The following STAB2 variants were observed in gnomAD, a reference collection of about 807,000 sequenced individuals.
STAB2 encodes stabilin 2.
STAB2 carries 288 observed loss-of-function variants against 338.1 expected under a neutral mutation model. The observed-to-expected ratio is 0.85, with a 90% CI of 0.77 to 0.94. The LOEUF is 0.94. Among genes scored for constraint, STAB2 ranks in the 40% least tolerant of loss-of-function variants. STAB2 has a pLI of 0.00. For synonymous variants in STAB2, 1,202 were observed against 1,193.3 expected (o/e 1.01, Z -0.15); for missense variants, 3,141 against 3,210.1 (o/e 0.98, Z 0.52).
chr12:103,719,270 G>A (rs1408159488), intron 44 of STAB2, among the ~76,000 whole-genome samples: 1 of 152,164 alleles, frequency 6.6e-6, no homozygotes, highest in Non-Finnish European at 1.5e-5. Flanking sequence ...CAGCCACTGT[G>A]CTTAGGGGTG....
chr12:103,748,942 C>T (rs1268838280), intron 58 of STAB2, 21 bp from the exon 59 acceptor site: 2 of 1,604,490 alleles, frequency 1.2e-6, no homozygotes, highest in Non-Finnish European at 1.7e-6. Flanking sequence ...AAGTTGAGCC[C>T]TCTCTCCTCT....
intron 21 of STAB2, among the ~76,000 whole-genome samples, chr12:103,670,137 G>T (rs926806465): frequency 6.6e-6 from 1 of 151,526 alleles, no homozygotes; most frequent in Non-Finnish European, 1.5e-5. Flanking sequence ...CCTCTAAAAC[G>T]TGGCTTTTTC....
At chr12:103,722,238 C>A (rs902087034) in intron 44 of STAB2, among the ~76,000 whole-genome samples, 24 of 152,098 alleles carry the variant, frequency 1.6e-4, no homozygotes, top group Admixed American at 5.9e-4. Flanking sequence ...TACGGAGAAG[C>A]CTCAGTAAAA....
chr12:103,731,658 C>T, intron 50 of STAB2, 23 bp downstream of exon 50: 1 of 1,606,640 alleles, frequency 6.2e-7, no homozygotes. Flanking sequence ...GGGAAGTTGA[C>T]TCAGAGGATA....
chr12:103,757,332 C>A (rs1166883082), intron 63 of STAB2, among the ~76,000 whole-genome samples: 2 of 152,178 alleles, frequency 1.3e-5, no homozygotes, highest in African/African-American at 4.8e-5. Context: ...AAGCTGCTCT[C>A]TCACCTCAGC....
chr12:103,641,700 T>C (rs1872938685), intron 9 of STAB2, among the ~76,000 whole-genome samples: 1 of 152,102 alleles, frequency 6.6e-6, no homozygotes, highest in South Asian at 2.1e-4. Flanking sequence ...GAAGATAAAA[T>C]CTAAAAATGA....
chr12:103,702,400 G>A (rs1254366362), intron 34 of STAB2, among the ~76,000 whole-genome samples: 5 of 151,482 alleles, frequency 3.3e-5, no homozygotes, highest in African/African-American at 9.7e-5. Flanking sequence ...CCGGGTTCAC[G>A]CCGTTCTCCT....
At position 103,587,518 on chromosome 12, in the gene STAB2, T is replaced by G. The variant is rs749725393; in HGVS notation, c.42T>G (p.Val14=). 12 of 1,614,152 alleles carry G rather than the reference T, an allele frequency of 7.4e-6. No individual in the cohort carries two copies. The Admixed American group carries it at 2.0e-4, about 27-fold the overall frequency. The change falls in exon 1 of 69, where the codon GTT becomes GTG. Residue 14 remains valine, a synonymous_variant. Transcript: ENST00000388887. ...TAGTAATTTTTTGTCTTGGATTGGT[T>G]GTACAAAATTTCTGCTCCCCAGCTG... ...QHLVIFCLGL[V]VQNFCSPAET...
chr12:103,673,521 G>C (rs904015234), intron 22 of STAB2, among the ~76,000 whole-genome samples: 2 of 151,716 alleles, frequency 1.3e-5, no homozygotes, highest in African/African-American at 4.8e-5. Context: ...GCTAATTTTT[G>C]TGTTTTTTGT....
intron 1 of STAB2, among the ~76,000 whole-genome samples, chr12:103,588,058 C>T (rs1316129627): frequency 6.6e-6 from 1 of 152,164 alleles, no homozygotes; most frequent in East Asian, 1.9e-4. Context: ...GGAGGTCTTA[C>T]CAGTAGCCCC....
At position 103,689,835 on chromosome 12, in the gene STAB2, C is replaced by T; in HGVS notation, c.3046-11C>T. ...ATAAGCAGGTCACTTTATTTTCCTT[C>T]TGTGGTTCAGAATGCTTCTCTACAA... On this transcript the variant is annotated splice_polypyrimidine_tract_variant and intron_variant, in intron 28 of 68. Coordinates refer to ENST00000388887, the MANE Select transcript of STAB2 (RefSeq NM_017564.10). The T allele has an allele frequency of 3.1e-6, 5 of 1,610,416 alleles. No individual in the cohort carries two copies. Among genetic ancestry groups the T allele is most frequent in the Non-Finnish European group, 4.2e-6 (5 of 1,178,856 alleles).
Position 103,762,385 on chromosome 12 carries a change from G to A in STAB2, c.7471G>A (p.Gly2491Ser), listed in dbSNP as rs147435939. 73 of 1,614,046 alleles carry A rather than the reference G, an allele frequency of 4.5e-5. No individual in the cohort carries two copies. Among genetic ancestry groups the A allele is most frequent in the African/African-American group, 4.1e-4 (31 of 74,906 alleles). ...SYFRINRRTIGFQHFESEEDI... is the reference protein window; with the variant it reads ...SYFRINRRTISFQHFESEEDI... The stretch of plus-strand genomic sequence containing the variant: ...CTTTCGGATAAACCGGAGAACAATC[G>A]GCTTCCAGCATTTTGAGGTAAGAGA... The change falls in exon 67 of 69, where the codon GGC becomes AGC. Residue 2491 changes from glycine to serine, a missense_variant. Physicochemically the swap from Gly to Ser is moderately conservative, Grantham distance 56. Coordinates refer to ENST00000388887, the MANE Select transcript of STAB2 (RefSeq NM_017564.10).
chr12:103,707,785 T>C (rs1481216061), intron 38 of STAB2, among the ~76,000 whole-genome samples: 1 of 152,160 alleles, frequency 6.6e-6, no homozygotes, highest in Non-Finnish European at 1.5e-5. Flanking sequence ...CCAGACAAAA[T>C]TAATGTACAA....
At position 103,728,979 on chromosome 12, in the gene STAB2, T is replaced by C. The variant is rs761604848; in HGVS notation, c.5066T>C (p.Val1689Ala). 3 of 1,613,904 alleles carry C rather than the reference T, an allele frequency of 1.9e-6. No homozygotes were observed. In the South Asian group the frequency reaches 3.3e-5, roughly 18 times the overall value. Residue 1689 changes from valine to alanine, a missense_variant, in exon 48 of 69, where the codon GTC becomes GCC. Val to Ala is a moderately conservative substitution (Grantham distance 64). Coordinates refer to ENST00000388887, the MANE Select transcript of STAB2 (RefSeq NM_017564.10). The stretch of plus-strand genomic sequence containing the variant: ...ACTTCCCTCCAAGGAGAGCCAATAG[T>C]CATCTCCGTCTCTCAGGTAGATGCC... ...NATSLQGEPI[V>A]ISVSQSTVYI...
rs1402278881 is a variant in STAB2 at position 103,737,575 on chromosome 12, TC to T, written c.5551-58del. On this transcript the variant is annotated intron_variant, in intron 52 of 68. Transcript: ENST00000388887. ...AGATGTGTGAAAGAGATTGACTGTT[TC>T]TCTCTCTCTCTCTCTCTCTCTCTCT... is the stretch of plus-strand genomic sequence containing the variant. 6 of 465,206 alleles carry T rather than the reference TC, an allele frequency of 1.3e-5. No individual in the cohort carries two copies. In the African/African-American group the frequency reaches 4.3e-4, roughly 33 times the overall value. 28.8% of individuals were successfully genotyped at this position (465,206 alleles called of 1,614,324 possible). A position where few individuals can be genotyped will look rare whatever the true frequency, so the allele number is the denominator to read the frequency against.
intron 3 of STAB2, among the ~76,000 whole-genome samples, chr12:103,602,653 A>T (rs575131799): frequency 1.1e-4 from 17 of 152,352 alleles, no homozygotes; most frequent in Non-Finnish European, 1.8e-4. Context: ...GATTTTTTAT[A>T]GCCACTCTAA....
At chr12:103,707,443 C>G (rs945434444) in intron 38 of STAB2, among the ~76,000 whole-genome samples, 2 of 152,232 alleles carry the variant, frequency 1.3e-5, no homozygotes, top group Non-Finnish European at 2.9e-5. Flanking sequence ...TCCCCCAAGG[C>G]TACACCTGAT....
At chr12:103,762,805 A>T (rs959925018) in intron 67 of STAB2, among the ~76,000 whole-genome samples, 3 of 152,068 alleles carry the variant, frequency 2.0e-5, no homozygotes, top group African/African-American at 7.2e-5. Flanking sequence ...AGGGCTAGGG[A>T]CCCTACACAG....
At chr12:103,604,533 C>A (rs1385230229) in intron 3 of STAB2, among the ~76,000 whole-genome samples, 1 of 151,974 alleles carries the variant, frequency 6.6e-6, no homozygotes, top group African/African-American at 2.4e-5. Context: ...AATTCAATTT[C>A]TTGGATATAA....
Sources: allele counts gnomAD v4.1 joint callset (sites outside exome capture counted in the v4.1 genomes callset), GRCh38; gene constraint gnomAD v4.1.1; transcripts MANE v1.5; gene names NCBI Gene and HGNC (gene_info 2026-07-23, HGNC 2026-07-21).